Variants in ABCC6 observed in about 807,000 individuals in gnomAD.
ABCC6 encodes the protein ATP-binding cassette sub-family C member 6.
A neutral mutation model predicts 169.5 loss-of-function variants in ABCC6; 126 were observed. That is an observed-to-expected ratio of 0.74 (90% CI 0.64 to 0.86). The LOEUF is 0.86. Ranked by LOEUF, ABCC6 falls within the 40% of genes least tolerant of loss-of-function variation. The pLI is 0.00. For missense variants in ABCC6, 1,733 were observed against 1,927.2 expected, an observed-to-expected ratio of 0.90 and a Z score of 1.89; for synonymous variants, 752 against 814.7, an observed-to-expected ratio of 0.92 and a Z score of 1.31.
intron 23 of ABCC6, among the ~76,000 whole-genome samples, chr16:16,164,355 A>G (rs2046815827): frequency 6.6e-6 from 1 of 151,880 alleles, no homozygotes; most frequent in African/African-American, 2.4e-5. Context: ...TTATCTGACT[A>G]CCATGTTTTC....
At chr16:16,208,642 G>C in intron 7 of ABCC6, 86 bp downstream of exon 7, 2 of 1,608,268 alleles carry the variant, frequency 1.2e-6, no homozygotes, top group Non-Finnish European at 1.7e-6. Flanking sequence ...AAAATGCCGG[G>C]ATTACAGTCG....
intron 29 of ABCC6, 92 bp from the exon 30 acceptor site, chr16:16,150,864 C>T: frequency 6.5e-7 from 1 of 1,549,508 alleles, no homozygotes; most frequent in Non-Finnish European, 8.7e-7. Context: ...TGAAGCAGTG[C>T]AGGAGTGAGG....
At chr16:16,172,420 C>CTAAATGAGTGGGTGGGATGGA (rs1567489522) in intron 21 of ABCC6, among the ~76,000 whole-genome samples, 4 of 6,588 alleles carry the variant, frequency 6.1e-4, no homozygotes, top group Admixed American at 3.4e-3. Context: ...GGTGGGATGG[C>CTAAATGAGTGGGTGGGATGGA]TAAATGAGTG....
chr16:16,155,129 C>T, intron 27 of ABCC6, 98 bp from the exon 28 acceptor site: 1 of 1,407,836 alleles, frequency 7.1e-7, no homozygotes, highest in Non-Finnish European at 9.6e-7. Context: ...GTCTATCCAT[C>T]CCTCATTGTG....
chr16:16,190,123 T>C, intron 12 of ABCC6, 41 bp downstream of exon 12: 1 of 1,593,714 alleles, frequency 6.3e-7, no homozygotes. Context: ...CCCGCACTCC[T>C]TCCCCAGTGC....
intron 23 of ABCC6, among the ~76,000 whole-genome samples, chr16:16,164,872 A>ATGGAGAGAGTCACTG (rs1331782500): frequency 6.6e-6 from 1 of 152,216 alleles, no homozygotes; most frequent in Non-Finnish European, 1.5e-5. Context: ...GAGTGAAGAT[A>ATGGAGAGAGTCACTG]TGGAGAGAGT....
At chr16:16,174,265 C>T (rs1017235527) in intron 20 of ABCC6, among the ~76,000 whole-genome samples, 1 of 151,192 alleles carries the variant, frequency 6.6e-6, no homozygotes, top group African/African-American at 2.4e-5. Context: ...TCAAAGGCAA[C>T]CAACCGTTCA....
At chr16:16,196,853 C>A (rs1296084087) in intron 10 of ABCC6, among the ~76,000 whole-genome samples, 3 of 152,086 alleles carry the variant, frequency 2.0e-5, no homozygotes, top group African/African-American at 4.8e-5. Flanking sequence ...AGGCACCCAC[C>A]ACTATGCCCG....
rs112887857 is a variant in ABCC6 at position 16,170,821 on chromosome 16, A to C, written c.2788-968T>G. 3.0e-3 allele frequency among the ~76,000 whole-genome samples: 447 copies of C among 149,656 alleles called. 3 individuals are homozygous for C. The highest frequency in any genetic ancestry group is 0.011 in the African/African-American group (433 of 40,818). ...GTAGTCCCAGCTACTCGAGAGGCTA[A>C]GGCAAGAGAATCGTTTGAAGCCAGG... is the stretch of plus-strand genomic sequence containing the variant. On this transcript the variant is annotated intron_variant, in intron 21 of 30. Coordinates refer to ENST00000205557, the MANE Select transcript of ABCC6 (RefSeq NM_001171.6).
intron 24 of ABCC6, among the ~76,000 whole-genome samples, chr16:16,162,639 T>C (rs2046753723): frequency 6.6e-6 from 1 of 152,220 alleles, no homozygotes; most frequent in Non-Finnish European, 1.5e-5. Flanking sequence ...GTGGCAGAGC[T>C]GGGATTTGAA....
At chr16:16,185,809 AATTATT>A (rs942805269) in intron 14 of ABCC6, among the ~76,000 whole-genome samples, 1 of 152,046 alleles carries the variant, frequency 6.6e-6, no homozygotes, top group African/African-American at 2.4e-5. Flanking sequence ...TACTACTACT[AATTATT>A]ATTATTATTT....
chr16:16,214,761 T>C (rs2048788445), intron 4 of ABCC6, among the ~76,000 whole-genome samples: 2 of 152,140 alleles, frequency 1.3e-5, no homozygotes, highest in East Asian at 3.9e-4. Context: ...CCCACCACCA[T>C]GCCTGGCTAA....
intron 9 of ABCC6, 43 bp from the exon 10 acceptor site, chr16:16,198,225 G>A: frequency 6.4e-7 from 1 of 1,553,028 alleles, no homozygotes; most frequent in South Asian, 1.2e-5. Flanking sequence ...GGGGAGGCCG[G>A]GGCAGAGGGA....
intron 20 of ABCC6, 50 bp from the exon 21 acceptor site, chr16:16,173,454 G>A (rs545188229): frequency 4.3e-6 from 7 of 1,613,232 alleles, no homozygotes; most frequent in Admixed American, 1.7e-5. Flanking sequence ...CCCAATGGTG[G>A]GGTGTATGTG....
chr16:16,157,952 C>T, intron 26 of ABCC6, 143 bp from the exon 27 acceptor site: 1 of 889,116 alleles, frequency 1.1e-6, no homozygotes, highest in Non-Finnish European at 1.7e-6. Flanking sequence ...GGGAATTCAA[C>T]AAGAGAGGGC....
chr16:16,198,866 C>A (rs1311840383), intron 9 of ABCC6, among the ~76,000 whole-genome samples: 1 of 151,960 alleles, frequency 6.6e-6, no homozygotes, highest in Non-Finnish European at 1.5e-5. Flanking sequence ...TGGTGGCAGG[C>A]ACCTGTAATC....
chr16:16,205,736 G>A (rs1259169233), intron 7 of ABCC6, among the ~76,000 whole-genome samples: 3 of 152,142 alleles, frequency 2.0e-5, no homozygotes, highest in African/African-American at 4.8e-5. Flanking sequence ...TCTTTGTCTC[G>A]TTAGAACCCC....
Position 16,198,173 on chromosome 16 carries a change from G to C in ABCC6, c.1186C>G (p.Leu396Val). 6.2e-7 allele frequency: 1 copy of C among 1,601,510 alleles called. No individual in the cohort carries two copies. Among genetic ancestry groups the C allele is most frequent in the Non-Finnish European group, 8.5e-7 (1 of 1,173,756 alleles). ...TGLVYRKVLALSSGSRKASAV... is the reference protein window; with the variant it reads ...TGLVYRKVLAVSSGSRKASAV... ...CTGGCCTTTCTGGAGCCGCTGGACA[G>C]AGCCAGGACCTGGCGGGTGGGCAGA... Residue 396 changes from leucine to valine, a missense_variant, in exon 10 of 31, where the codon CTG becomes GTG. This residue lies in a region of ABCC6 where 1,601 missense variants were observed against 1,635.5 expected (regional missense o/e 0.98). Coordinates refer to ENST00000205557, the MANE Select transcript of ABCC6 (RefSeq NM_001171.6).
At position 16,154,765 on chromosome 16, in the gene ABCC6, C is replaced by G. The variant is rs1434071445; in HGVS notation, c.4071G>C (p.Arg1357=). 1.2e-6 allele frequency: 2 copies of G among 1,612,664 alleles called. No homozygotes were observed. Among genetic ancestry groups the G allele is most frequent in the Non-Finnish European group, 1.7e-6 (2 of 1,179,486 alleles). The change falls in exon 29 of 31, where the codon CGG becomes CGC. Residue 1357 remains arginine (R), a synonymous_variant. Coordinates refer to ENST00000205557, the MANE Select transcript of ABCC6 (RefSeq NM_001171.6). The part of the protein sequence containing the change: ...QDPILFPGSL[R]MNLDLLQEHS... Reference sequence around the variant, plus strand: ...GCTCCTGCAGCAGGTCGAGGTTCATCCGCAGAGAGCCAGGGAACAGGATGG... The same window carrying G: ...GCTCCTGCAGCAGGTCGAGGTTCATGCGCAGAGAGCCAGGGAACAGGATGG...
Sources: gnomAD v4.1 joint callset for allele counts (sites outside exome capture counted in the v4.1 genomes callset) on GRCh38, gnomAD v4.1.1 for gene constraint, gnomAD v4.1.1 regional missense constraint, MANE v1.5 for transcripts, NCBI Gene and HGNC (gene_info 2026-07-23, HGNC 2026-07-21) for gene names.